EYS: variants seen among roughly 807,000 people sequenced by gnomAD.
The protein encoded by EYS is protein eyes shut homolog.
EYS carries 250 observed loss-of-function variants against 282.1 expected under a neutral mutation model. That is an observed-to-expected ratio of 0.89 (90% CI 0.80 to 0.98). EYS has a LOEUF of 0.98. EYS is among the 50% of genes least tolerant of loss of function. EYS has a pLI of 0.00. For missense variants in EYS, 4,016 were observed against 3,709.0 expected (o/e 1.08, Z -2.15); for synonymous variants, 1,355 against 1,282.9 (o/e 1.06, Z -1.20).
At chr6:65,301,277 C>T (rs1287648744) in intron 11 of EYS, among the ~76,000 whole-genome samples, 2 of 152,160 alleles carry the variant, frequency 1.3e-5, no homozygotes, top group Non-Finnish European at 2.9e-5. Flanking sequence ...GGGCAGATCA[C>T]GAGGTCAGGA....
intron 26 of EYS, among the ~76,000 whole-genome samples, chr6:64,490,720 A>AGGAAC (rs1186797207): frequency 2.0e-5 from 3 of 150,926 alleles, no homozygotes; most frequent in Non-Finnish European, 4.5e-5. Flanking sequence ...GAAAAAGCAA[A>AGGAAC]GGAACTTTTT....
chr6:64,242,443 T>G (rs560113073), intron 30 of EYS, among the ~76,000 whole-genome samples: 81 of 152,178 alleles, frequency 5.3e-4, no homozygotes, highest in Admixed American at 9.2e-4. Flanking sequence ...CTAAGTTTTT[T>G]TTGTTGTTGT....
At chr6:64,449,011 A>C (rs761649240) in intron 26 of EYS, among the ~76,000 whole-genome samples, 7 of 152,222 alleles carry the variant, frequency 4.6e-5, no homozygotes, top group Non-Finnish European at 8.8e-5. Context: ...ACGGAGAATG[A>C]CTTTGATGAG....
At chr6:64,712,426 TG>T (rs1230285897) in intron 22 of EYS, among the ~76,000 whole-genome samples, 1 of 152,090 alleles carries the variant, frequency 6.6e-6, no homozygotes, top group Non-Finnish European at 1.5e-5. Flanking sequence ...AGGATCCTGG[TG>T]ATGTTAAAGG....
chr6:64,799,435 TCTATTCCATTTGTTTA>T (rs1194170977), intron 22 of EYS, among the ~76,000 whole-genome samples: 2 of 151,882 alleles, frequency 1.3e-5, no homozygotes, highest in Admixed American at 1.3e-4. Context: ...TCTTATATAC[TCTATTCCATTTGTTTA>T]CAAGTTTCAC....
chr6:64,452,315 C>G (rs1005584468), intron 26 of EYS, among the ~76,000 whole-genome samples: 8 of 152,168 alleles, frequency 5.3e-5, no homozygotes, highest in African/African-American at 1.9e-4. Flanking sequence ...TGTGAAGGAC[C>G]TCTTCAAGGA....
intron 12 of EYS, among the ~76,000 whole-genome samples, chr6:65,203,113 A>AATATCCC (rs1765944229): frequency 6.6e-6 from 1 of 152,170 alleles, no homozygotes; most frequent in Non-Finnish European, 1.5e-5. Flanking sequence ...CTGATCAACA[A>AATATCCC]AGGCTATGTA....
chr6:65,273,729 A>G (rs1300966571), intron 12 of EYS, among the ~76,000 whole-genome samples: 1 of 152,216 alleles, frequency 6.6e-6, no homozygotes, highest in Non-Finnish European at 1.5e-5. Flanking sequence ...GCTATACGTT[A>G]CGTGACATAT....
At chr6:64,623,991 G>A (rs1767525048) in intron 23 of EYS, among the ~76,000 whole-genome samples, 1 of 152,142 alleles carries the variant, frequency 6.6e-6, no homozygotes, top group East Asian at 1.9e-4. Context: ...GCAGAGACAG[G>A]AGTGTTGGGG....
chr6:64,837,967 T>C (rs1765438297), intron 19 of EYS, among the ~76,000 whole-genome samples: 1 of 151,700 alleles, frequency 6.6e-6, no homozygotes, highest in South Asian at 2.1e-4. Context: ...AATATATGCA[T>C]ATAACAAAAC....
At chr6:64,139,699 G>A (rs562565265) in intron 31 of EYS, among the ~76,000 whole-genome samples, 15 of 152,098 alleles carry the variant, frequency 9.9e-5, no homozygotes, top group African/African-American at 3.1e-4. Flanking sequence ...GGCTGGGCAC[G>A]GTGGCTCACG....
chr6:63,797,220 T>C (rs1157006066), intron 37 of EYS: 1 of 152,136 alleles, frequency 6.6e-6, no homozygotes, highest in East Asian at 1.9e-4. Flanking sequence ...TATTCAGTTT[T>C]TAGGAAGAAA....
chr6:64,553,543 T>C (rs919504956), intron 26 of EYS, among the ~76,000 whole-genome samples: 3 of 72,914 alleles, frequency 4.1e-5, no homozygotes, highest in African/African-American at 1.9e-4. Flanking sequence ...GACTTTTGTT[T>C]GACCCCCCCC....
chr6:63,725,105 T>C lies in EYS; in HGVS notation c.8233+1414A>G, dbSNP rs546674171. Among the ~76,000 whole-genome samples, 6 of 152,316 alleles carry C rather than the reference T, an allele frequency of 3.9e-5. No individual in the cohort carries two copies. The South Asian group carries it at 1.2e-3, about 32-fold the overall frequency. ...TCTAGGTTTAAGCATGTAGAACTTATATTTTTAATATTTAAAAATTTTCAT... is the reference window on the plus strand; with the variant it reads ...TCTAGGTTTAAGCATGTAGAACTTACATTTTTAATATTTAAAAATTTTCAT... On this transcript the variant is annotated intron_variant, in intron 42 of 42. Transcript: ENST00000503581.
At chr6:65,611,110 C>A (rs1467897618) in intron 2 of EYS, among the ~76,000 whole-genome samples, 1 of 151,562 alleles carries the variant, frequency 6.6e-6, no homozygotes, top group Non-Finnish European at 1.5e-5. Context: ...ATAATACATA[C>A]TTTTTATTCC....
chr6:65,364,555 T>C (rs902799310), intron 8 of EYS, among the ~76,000 whole-genome samples: 5 of 151,672 alleles, frequency 3.3e-5, no homozygotes, highest in Non-Finnish European at 5.9e-5. Flanking sequence ...TTAAGACTTC[T>C]TATGATATCC....
At chr6:63,753,140 G>GTGTA (rs1490714920) in intron 41 of EYS, among the ~76,000 whole-genome samples, 12 of 136,036 alleles carry the variant, frequency 8.8e-5, no homozygotes, top group Admixed American at 3.0e-4. Flanking sequence ...GTGTGTGTGT[G>GTGTA]TATATATATA....
intron 41 of EYS, among the ~76,000 whole-genome samples, chr6:63,733,423 GC>G (rs1414353043): frequency 6.6e-6 from 1 of 152,030 alleles, no homozygotes; most frequent in African/African-American, 2.4e-5. Context: ...TAGTTTTTCA[GC>G]CCTTGTGCCC....
At chr6:64,579,735 C>T (rs1766000171) in intron 26 of EYS, among the ~76,000 whole-genome samples, 1 of 152,044 alleles carries the variant, frequency 6.6e-6, no homozygotes, top group African/African-American at 2.4e-5. Context: ...GATATTAAGT[C>T]CTGAAATTCT....
Sources: allele counts gnomAD v4.1 joint callset (sites outside exome capture counted in the v4.1 genomes callset), GRCh38; gene constraint gnomAD v4.1.1; transcripts MANE v1.5; gene names NCBI Gene and HGNC (gene_info 2026-07-23, HGNC 2026-07-21).